SCAI: variants seen among roughly 807,000 people sequenced by gnomAD.
SCAI encodes the protein suppressor of cancer cell invasion.
Under a neutral mutation model 92.2 loss-of-function variants are expected in SCAI, and 24 were observed. The ratio of observed to expected loss-of-function variants is 0.26; its 90% CI spans 0.19 to 0.37. The LOEUF is 0.37. Ranked by LOEUF, SCAI falls within the 10% of genes least tolerant of loss-of-function variation. The pLI, the probability that SCAI is intolerant of heterozygous loss-of-function variation, is 1.00. For missense variants in SCAI, 450 were observed against 736.2 expected, an observed-to-expected ratio of 0.61 and a Z score of 4.50; for synonymous variants, 261 against 258.6, an observed-to-expected ratio of 1.01 and a Z score of -0.09.
chr9:125,026,947 CAG>C, intron 5 of SCAI, 37 bp from the exon 6 acceptor site: 1 of 1,222,846 alleles, frequency 8.2e-7, no homozygotes, highest in Non-Finnish European at 1.2e-6. Context: ...ATGACAGTGT[CAG>C]AGACTCTTCA....
chr9:125,118,246 C>T (rs1835091462), intron 2 of SCAI, among the ~76,000 whole-genome samples: 1 of 151,922 alleles, frequency 6.6e-6, no homozygotes, highest in Non-Finnish European at 1.5e-5. Context: ...TTCTGTAATC[C>T]CAACATTCTG....
chr9:125,118,873 C>G (rs1326881095), intron 2 of SCAI, among the ~76,000 whole-genome samples: 1 of 152,212 alleles, frequency 6.6e-6, no homozygotes, highest in Admixed American at 6.5e-5. Context: ...CTGCAAAGGA[C>G]ATGATCTCAC....
At chr9:124,972,862 C>T (rs1443585581) in intron 15 of SCAI, among the ~76,000 whole-genome samples, 2 of 152,176 alleles carry the variant, frequency 1.3e-5, no homozygotes, top group African/African-American at 4.8e-5. Context: ...ATTGTGCTAT[C>T]TCCAGCCATC....
At chr9:125,042,174 A>G (rs1021902797) in intron 3 of SCAI, among the ~76,000 whole-genome samples, 1 of 152,228 alleles carries the variant, frequency 6.6e-6, no homozygotes, top group Non-Finnish European at 1.5e-5. Flanking sequence ...GTTATGAATT[A>G]GCTAATCATA....
intron 2 of SCAI, among the ~76,000 whole-genome samples, chr9:125,094,921 T>C (rs1197126353): frequency 6.6e-6 from 1 of 152,150 alleles, no homozygotes; most frequent in Non-Finnish European, 1.5e-5. Context: ...AAACTACTGA[T>C]AAAGGAATAA....
intron 2 of SCAI, among the ~76,000 whole-genome samples, chr9:125,115,155 G>A (rs906628202): frequency 1.6e-4 from 24 of 151,748 alleles, no homozygotes; most frequent in African/African-American, 5.3e-4. Context: ...GGCGGATCAC[G>A]AGGTCAGGAG....
intron 2 of SCAI, among the ~76,000 whole-genome samples, chr9:125,114,429 T>C (rs868546903): frequency 1.3e-5 from 2 of 152,124 alleles, no homozygotes; most frequent in African/African-American, 4.8e-5. Flanking sequence ...TCTAGTATAA[T>C]GGCTAAATTT....
chr9:124,994,217 A>T (rs1304913420), intron 14 of SCAI, among the ~76,000 whole-genome samples: 1 of 152,078 alleles, frequency 6.6e-6, no homozygotes, highest in East Asian at 1.9e-4. Flanking sequence ...TATTTTTAGT[A>T]GAGATGGGGG....
At chr9:125,063,010 C>G in intron 2 of SCAI, among the ~76,000 whole-genome samples, 1 of 104,262 alleles carries the variant, frequency 9.6e-6, no homozygotes, top group East Asian at 2.6e-4. Flanking sequence ...CAGAGTGAGA[C>G]TCCGTCTCAA....
chr9:124,966,888 T>C (rs915969226), intron 17 of SCAI, among the ~76,000 whole-genome samples: 9 of 150,594 alleles, frequency 6.0e-5, no homozygotes, highest in Non-Finnish European at 1.2e-4. Context: ...GCTGGGACTA[T>C]AGGTATATGC....
Position 125,143,497 on chromosome 9 carries a change from G to A in SCAI, c.-60C>T. The A allele has an allele frequency of 7.8e-7, 1 of 1,289,302 alleles. No homozygotes were observed. Among genetic ancestry groups the A allele is most frequent in the Non-Finnish European group, 9.9e-7 (1 of 1,012,150 alleles). The allele number at this position is 1,289,302 out of a possible 1,614,324, so 79.9% of individuals were successfully genotyped here. Reference sequence around the variant, plus strand: ...GGCCGCAGGGCTCGCTCGGGAAGCTGAGGCGGCGGAGGCTGGAGTAGGCGG... The same window carrying A: ...GGCCGCAGGGCTCGCTCGGGAAGCTAAGGCGGCGGAGGCTGGAGTAGGCGG... On this transcript the variant is annotated 5_prime_UTR_variant, in exon 1 of 18. Transcript: ENST00000336505.
chr9:125,089,786 C>A (rs1436912902), intron 2 of SCAI, among the ~76,000 whole-genome samples: 1 of 152,008 alleles, frequency 6.6e-6, no homozygotes, highest in Non-Finnish European at 1.5e-5. Flanking sequence ...CTCACTGCAA[C>A]CTTGAACTCC....
intron 3 of SCAI, among the ~76,000 whole-genome samples, chr9:125,050,371 T>C (rs1421100736): frequency 6.6e-6 from 1 of 152,056 alleles, no homozygotes; most frequent in Non-Finnish European, 1.5e-5. Flanking sequence ...TAAAGCAACA[T>C]CAACACTCGA....
At chr9:125,122,639 T>G (rs1397163608) in intron 2 of SCAI, among the ~76,000 whole-genome samples, 1 of 143,468 alleles carries the variant, frequency 7.0e-6, no homozygotes, top group African/African-American at 2.5e-5. Flanking sequence ...GTGCAGTGGC[T>G]CACGCCAGTA....
chr9:125,045,923 G>A (rs1833424860), intron 3 of SCAI, among the ~76,000 whole-genome samples: 1 of 151,712 alleles, frequency 6.6e-6, no homozygotes, highest in Non-Finnish European at 1.5e-5. Flanking sequence ...ACTATTGAAT[G>A]TGGTTAAAAG....
intron 14 of SCAI, among the ~76,000 whole-genome samples, chr9:124,985,123 G>GA (rs1831961378): frequency 6.6e-6 from 1 of 152,114 alleles, no homozygotes; most frequent in Admixed American, 6.5e-5. Flanking sequence ...CTTTAAATTG[G>GA]AATCCTAAAA....
intron 2 of SCAI, among the ~76,000 whole-genome samples, chr9:125,062,845 C>T (rs1170905458): frequency 6.6e-6 from 1 of 150,940 alleles, no homozygotes; most frequent in Non-Finnish European, 1.5e-5. Flanking sequence ...CATGGTGAAA[C>T]CCTGTCTCTA....
chr9:125,125,721 C>A (rs1194892729), intron 2 of SCAI, among the ~76,000 whole-genome samples: 5 of 150,932 alleles, frequency 3.3e-5, no homozygotes, highest in African/African-American at 4.9e-5. Flanking sequence ...ATCCCAGCTA[C>A]TCAAGGGGCT....
chr9:125,126,387 T>C (rs1835274442), intron 2 of SCAI, among the ~76,000 whole-genome samples: 1 of 127,430 alleles, frequency 7.8e-6, no homozygotes, highest in African/African-American at 2.9e-5. Context: ...CCAAAGTGAG[T>C]TGGGGGTGTG....
Sources: gnomAD v4.1 joint callset for allele counts (sites outside exome capture counted in the v4.1 genomes callset) on GRCh38, gnomAD v4.1.1 for gene constraint, MANE v1.5 for transcripts, NCBI Gene and HGNC (gene_info 2026-07-23, HGNC 2026-07-21) for gene names.